The following MARCHF1 variants were observed in gnomAD, a reference collection of about 807,000 sequenced individuals.
The protein encoded by MARCHF1 is E3 ubiquitin-protein ligase MARCHF1.
In MARCHF1, 40 loss-of-function variants were observed where a neutral mutation model predicts 54.2. The observed-to-expected ratio is 0.74, with a 90% CI of 0.57 to 0.96. MARCHF1 has a LOEUF of 0.96. Ranked by LOEUF, MARCHF1 falls within the 40% of genes least tolerant of loss-of-function variation. MARCHF1 has a pLI of 0.00. For synonymous variants in MARCHF1, 236 were observed against 236.3 expected (o/e 1.00, Z 0.01); for missense variants, 586 against 656.5 (o/e 0.89, Z 1.17).
intron 3 of MARCHF1, among the ~76,000 whole-genome samples, chr4:163,941,694 G>T (rs1751915789): frequency 6.6e-6 from 1 of 152,082 alleles, no homozygotes; most frequent in Admixed American, 6.6e-5. Flanking sequence ...TGTGCCTAAA[G>T]AACAGTTTGT....
chr4:164,325,414 G>A (rs539188377), intron 1 of MARCHF1, among the ~76,000 whole-genome samples: 34 of 150,582 alleles, frequency 2.3e-4, no homozygotes, highest in African/African-American at 6.3e-4. Context: ...TTTAAAAGAT[G>A]GATTGTTTAG....
intron 7 of MARCHF1, among the ~76,000 whole-genome samples, chr4:163,605,272 A>C (rs1741104415): frequency 6.6e-6 from 1 of 152,198 alleles, no homozygotes; most frequent in Non-Finnish European, 1.5e-5. Flanking sequence ...TCTCAAAAGA[A>C]GACATTTATG....
intron 2 of MARCHF1, among the ~76,000 whole-genome samples, chr4:164,057,619 T>C (rs1754521689): frequency 3.3e-5 from 5 of 152,182 alleles, no homozygotes; most frequent in Admixed American, 3.3e-4. Context: ...ACATGAAGCA[T>C]GAAGCAACTA....
In MARCHF1 at chr4:164,157,584, C is replaced by T. The variant is rs150444100; in HGVS notation, c.-322-45922G>A. On this transcript the variant is annotated intron_variant, in intron 1 of 9. Transcript: ENST00000514618. ...TGAAATCAAGATGTCAGCAGGGCCA[C>T]GCTCGCTCTGAAACCTGTAGGGGAG... Among the ~76,000 whole-genome samples, 22 of 152,270 alleles carry T rather than the reference C, an allele frequency of 1.4e-4. 1 individual carries two copies. In the East Asian group the frequency reaches 3.5e-3, roughly 24 times the overall value.
chr4:163,685,285 A>ATGTAGTT (rs1744231136), intron 5 of MARCHF1, among the ~76,000 whole-genome samples: 1 of 152,134 alleles, frequency 6.6e-6, no homozygotes, highest in Non-Finnish European at 1.5e-5. Context: ...AGTGAAATGC[A>ATGTAGTT]TAAATCTTAA....
chr4:163,528,216 A>AC lies in MARCHF1; in HGVS notation c.*531dup, dbSNP rs1738204980. ...AAATAACCAGACTCCACTAAACCATACAAATCTGTTAGCTGTCAAAGCATA... is the reference window on the plus strand; with the variant it reads ...AAATAACCAGACTCCACTAAACCATACCAAATCTGTTAGCTGTCAAAGCATA... On this transcript the variant is annotated 3_prime_UTR_variant, in exon 10 of 10. Transcript: ENST00000514618. 1 of 153,072 alleles carries AC rather than the reference A, an allele frequency of 6.5e-6. No individual in the cohort carries two copies. Among genetic ancestry groups the AC allele is most frequent in the African/African-American group, 2.4e-5 (1 of 41,462 alleles). The allele number at this position is 153,072 out of a possible 1,614,324, so 9.5% of individuals were successfully genotyped here. A position where few individuals can be genotyped will look rare whatever the true frequency, so the allele number is the denominator to read the frequency against.
At position 163,834,789 on chromosome 4, in the gene MARCHF1, T is replaced by C. The variant is rs115124508; in HGVS notation, c.111+19232A>G. Among the ~76,000 whole-genome samples, 984 of 152,230 alleles carry C rather than the reference T, an allele frequency of 6.5e-3. 8 individuals are homozygous for C. The highest frequency in any genetic ancestry group is 0.022 in the African/African-American group (899 of 41,536). ...TCTTAAGTCAATCCCTTTATAATTA[T>C]ACCAGGGCCTTTTAGGCATATACTC... is the stretch of plus-strand genomic sequence containing the variant. On this transcript the variant is annotated intron_variant, in intron 4 of 9. Coordinates refer to ENST00000514618, the MANE Select transcript of MARCHF1 (RefSeq NM_001394959.1).
chr4:163,923,991 C>A (rs1751486907), intron 3 of MARCHF1, among the ~76,000 whole-genome samples: 1 of 151,836 alleles, frequency 6.6e-6, no homozygotes, highest in African/African-American at 2.4e-5. Flanking sequence ...TTTTGGCCTG[C>A]CAATAAACAT....
intron 1 of MARCHF1, among the ~76,000 whole-genome samples, chr4:164,350,701 C>T (rs557048531): frequency 1.3e-5 from 2 of 152,288 alleles, no homozygotes; most frequent in African/African-American, 2.4e-5. Flanking sequence ...AAGCATAGTA[C>T]AATGTTACCT....
At chr4:163,559,530 A>T (rs1273392887) in intron 8 of MARCHF1, among the ~76,000 whole-genome samples, 1 of 152,220 alleles carries the variant, frequency 6.6e-6, no homozygotes, top group African/African-American at 2.4e-5. Flanking sequence ...CCCATTGCTT[A>T]GTAAGAACTC....
intron 9 of MARCHF1, among the ~76,000 whole-genome samples, chr4:163,538,325 TAA>T: frequency 6.9e-6 from 1 of 145,028 alleles, no homozygotes; most frequent in Admixed American, 7.2e-5. Flanking sequence ...GTAAAATTTA[TAA>T]ATTTTTTTTT....
At chr4:164,141,215 G>C (rs1756525507) in intron 1 of MARCHF1, among the ~76,000 whole-genome samples, 1 of 152,154 alleles carries the variant, frequency 6.6e-6, no homozygotes, top group African/African-American at 2.4e-5. Flanking sequence ...TGCCACTACT[G>C]ATACTTTCTA....
Position 164,155,223 on chromosome 4 carries a change from G to A in MARCHF1, c.-322-43561C>T, listed in dbSNP as rs533547692. Reference sequence around the variant, plus strand: ...GGTCTGTGGGTATCCAGGCTTAAGGGTGGGGCCTTTGCCAGGGAACCACTC... The same window carrying A: ...GGTCTGTGGGTATCCAGGCTTAAGGATGGGGCCTTTGCCAGGGAACCACTC... On this transcript the variant is annotated intron_variant, in intron 1 of 9. Transcript: ENST00000514618. 3.4e-4 allele frequency among the ~76,000 whole-genome samples: 52 copies of A among 152,192 alleles called. No homozygotes were observed. The South Asian group carries it at 0.011, about 31-fold the overall frequency.
chr4:164,348,060 T>C (rs1413824841), intron 1 of MARCHF1, among the ~76,000 whole-genome samples: 2 of 152,130 alleles, frequency 1.3e-5, no homozygotes, highest in South Asian at 2.1e-4. Context: ...GAAAAAGAAT[T>C]GAACACTTGC....
chr4:163,667,798 T>C (rs977320638), intron 5 of MARCHF1, among the ~76,000 whole-genome samples: 1 of 152,062 alleles, frequency 6.6e-6, no homozygotes, highest in African/African-American at 2.4e-5. Context: ...GCTAATTTTT[T>C]GTAATTTTAG....
chr4:163,636,788 G>A (rs1450340182), intron 5 of MARCHF1, among the ~76,000 whole-genome samples: 1 of 152,110 alleles, frequency 6.6e-6, no homozygotes, highest in Non-Finnish European at 1.5e-5. Flanking sequence ...GCATTGCCAA[G>A]TCAATCCTAA....
chr4:163,587,543 A>G (rs906428683), intron 7 of MARCHF1, among the ~76,000 whole-genome samples: 1 of 152,198 alleles, frequency 6.6e-6, no homozygotes, highest in African/African-American at 2.4e-5. Context: ...GCATATTCTC[A>G]CTTATAAGTA....
chr4:164,070,433 T>C (rs372967337), intron 2 of MARCHF1, among the ~76,000 whole-genome samples: 2 of 152,162 alleles, frequency 1.3e-5, no homozygotes, highest in African/African-American at 4.8e-5. Flanking sequence ...AGAACGTATA[T>C]ACAACAAAGA....
chr4:164,072,116 A>C (rs78083632), intron 2 of MARCHF1, among the ~76,000 whole-genome samples: 25 of 152,364 alleles, frequency 1.6e-4, no homozygotes, highest in African/African-American at 6.0e-4. Context: ...TCTGACAGGC[A>C]AAAGTCATGG....
Sources: gnomAD v4.1 joint callset for allele counts (sites outside exome capture counted in the v4.1 genomes callset) on GRCh38, gnomAD v4.1.1 for gene constraint, MANE v1.5 for transcripts, NCBI Gene and HGNC (gene_info 2026-07-23, HGNC 2026-07-21) for gene names.